RBFOX1: variants seen among roughly 807,000 people sequenced by gnomAD.
The protein encoded by RBFOX1 is RNA binding fox-1 homolog 1, also known as RNA binding protein fox-1 homolog 1.
RBFOX1 carries 8 observed loss-of-function variants against 57.7 expected under a neutral mutation model. That is an observed-to-expected ratio of 0.14 (90% CI 0.08 to 0.25). The LOEUF (loss-of-function observed/expected upper bound fraction) is 0.25, where lower values mean the gene tolerates loss of function less well. Ranked by LOEUF, RBFOX1 falls within the 10% of genes least tolerant of loss-of-function variation. RBFOX1 has a pLI of 1.00. For missense variants in RBFOX1, 611 were observed against 548.5 expected (o/e 1.11, Z -1.14); for synonymous variants, 326 against 222.4 (o/e 1.47, Z -4.15).
chr16:7,694,705 T>C (rs2078247862), intron 14 of RBFOX1, among the ~76,000 whole-genome samples: 2 of 152,190 alleles, frequency 1.3e-5, no homozygotes, highest in South Asian at 4.1e-4. Context: ...GTTAATTGAA[T>C]TGCTGGGAGT....
intron 3 of RBFOX1, among the ~76,000 whole-genome samples, chr16:6,880,061 G>T (rs373905225): frequency 6.6e-6 from 1 of 152,148 alleles, no homozygotes; most frequent in Non-Finnish European, 1.5e-5. Flanking sequence ...TTTTCCTCCA[G>T]ATTCAACTCC....
intron 2 of RBFOX1, among the ~76,000 whole-genome samples, chr16:6,442,698 T>C (rs11863127): frequency 0.22 from 32,996 of 152,192 alleles, 3,850 homozygotes; most frequent in East Asian, 0.3. Context: ...TCTCCCTGTC[T>C]TTTCTCTTTG....
intron 2 of RBFOX1, among the ~76,000 whole-genome samples, chr16:6,506,804 G>C (rs2096108803): frequency 6.6e-6 from 1 of 151,914 alleles, no homozygotes. Flanking sequence ...CAACCACCAT[G>C]CCTGGCTATT....
chr16:5,744,626 C>A (rs1370037023), intron 3 of RBFOX1, among the ~76,000 whole-genome samples: 1 of 152,084 alleles, frequency 6.6e-6, no homozygotes, highest in Non-Finnish European at 1.5e-5. Context: ...GAAGGGAGAG[C>A]AAGTTGTTAA....
At chr16:6,169,885 C>T (rs2096945905) in intron 1 of RBFOX1, among the ~76,000 whole-genome samples, 1 of 152,166 alleles carries the variant, frequency 6.6e-6, no homozygotes. Context: ...TGGCCTCAGC[C>T]TCCCAAGTAG....
intron 4 of RBFOX1, among the ~76,000 whole-genome samples, chr16:5,898,381 C>T (rs1226229500): frequency 3.3e-5 from 5 of 152,130 alleles, no homozygotes; most frequent in Non-Finnish European, 7.4e-5. Flanking sequence ...GTAGGGAGGA[C>T]ATGACCCAGA....
chr16:5,751,330 A>T (rs2053192584), intron 3 of RBFOX1, among the ~76,000 whole-genome samples: 1 of 149,862 alleles, frequency 6.7e-6, no homozygotes, highest in Non-Finnish European at 1.5e-5. Flanking sequence ...GTAGTGCCCT[A>T]CATTTGTGCA....
chr16:5,579,356 CT>C (rs1567252637), intron 2 of RBFOX1, among the ~76,000 whole-genome samples: 2 of 151,800 alleles, frequency 1.3e-5, no homozygotes, highest in African/African-American at 4.8e-5. Flanking sequence ...CTAATCTCCT[CT>C]TTCTCATCAC....
chr16:5,282,392 G>C, intron 1 of RBFOX1, among the ~76,000 whole-genome samples: 1 of 152,232 alleles, frequency 6.6e-6, no homozygotes. Context: ...TGAATACGTG[G>C]AAGTGACTTT....
intron 3 of RBFOX1, among the ~76,000 whole-genome samples, chr16:6,714,010 A>G (rs2064256530): frequency 6.6e-6 from 1 of 152,204 alleles, no homozygotes; most frequent in Non-Finnish European, 1.5e-5. Flanking sequence ...CTCATCTTGA[A>G]TTGTAATACC....
chr16:5,930,130 C>T (rs55647829), intron 4 of RBFOX1, among the ~76,000 whole-genome samples: 14,004 of 151,136 alleles, frequency 0.093, 656 homozygotes, highest in African/African-American at 0.11. Flanking sequence ...AGGGTGCCTC[C>T]AGGGGCATCT....
chr16:6,531,142 C>T (rs1437479084), intron 2 of RBFOX1, among the ~76,000 whole-genome samples: 3 of 152,170 alleles, frequency 2.0e-5, no homozygotes, highest in Non-Finnish European at 4.4e-5. Flanking sequence ...TAGTAGGATC[C>T]AGGTTGTTTC....
intron 1 of RBFOX1, among the ~76,000 whole-genome samples, chr16:6,299,883 C>T (rs533275598): frequency 1.3e-5 from 2 of 152,322 alleles, no homozygotes; most frequent in Admixed American, 6.5e-5. Context: ...TAGAAGCCCA[C>T]ACCCTCGTTT....
intron 1 of RBFOX1, among the ~76,000 whole-genome samples, chr16:6,135,827 C>A (rs899344972): frequency 8.5e-5 from 10 of 117,120 alleles, no homozygotes; most frequent in Non-Finnish European, 1.3e-4. Context: ...CACAGTCTTG[C>A]TCTGTCGCCC....
intron 3 of RBFOX1, among the ~76,000 whole-genome samples, chr16:5,705,459 C>T (rs1047991787): frequency 2.0e-5 from 3 of 152,116 alleles, no homozygotes; most frequent in African/African-American, 7.2e-5. Flanking sequence ...AAGGGGTTCT[C>T]ACTATATTGC....
chr16:5,318,943 T>C (rs2064319794), intron 1 of RBFOX1, among the ~76,000 whole-genome samples: 1 of 152,002 alleles, frequency 6.6e-6, no homozygotes, highest in East Asian at 1.9e-4. Flanking sequence ...CTGGTCAGCA[T>C]GGTGAAACCC....
At chr16:5,953,460 CCCAGTTTGTAGTCTTTTAT>C (rs1237066830) in intron 4 of RBFOX1, among the ~76,000 whole-genome samples, 2 of 152,008 alleles carry the variant, frequency 1.3e-5, no homozygotes, top group African/African-American at 4.8e-5. Context: ...GTACGCTGCA[CCCAGTTTGTAGTCTTTTAT>C]CCCTCACCTC....
At chr16:5,525,082 C>A (rs929622925) in intron 2 of RBFOX1, among the ~76,000 whole-genome samples, 1 of 152,206 alleles carries the variant, frequency 6.6e-6, no homozygotes, top group Non-Finnish European at 1.5e-5. Flanking sequence ...CTCAACACTG[C>A]TCCCCTGGTG....
chr16:5,965,123 C>T (rs1039312981), intron 4 of RBFOX1, among the ~76,000 whole-genome samples: 1 of 152,048 alleles, frequency 6.6e-6, no homozygotes, highest in Non-Finnish European at 1.5e-5. Context: ...GCTGGTTACT[C>T]AGAGCTGGAC....
Sources: gnomAD v4.1 joint callset for allele counts (sites outside exome capture counted in the v4.1 genomes callset) on GRCh38, gnomAD v4.1.1 for gene constraint, MANE v1.5 for transcripts, NCBI Gene and HGNC (gene_info 2026-07-23, HGNC 2026-07-21) for gene names.